The following D2HGDH variants were observed in gnomAD, a reference collection of about 807,000 sequenced individuals.
The protein encoded by D2HGDH is D-2-hydroxyglutarate dehydrogenase.
In D2HGDH, 31 loss-of-function variants were observed where a neutral mutation model predicts 46.9. The observed-to-expected ratio is 0.66, with a 90% CI of 0.50 to 0.89. D2HGDH has a LOEUF of 0.89. D2HGDH is among the 40% of genes least tolerant of loss of function. The pLI is 0.00. For synonymous variants in D2HGDH, 364 were observed against 332.6 expected, an observed-to-expected ratio of 1.09 and a Z score of -1.03; for missense variants, 698 against 720.8, an observed-to-expected ratio of 0.97 and a Z score of 0.36.
At chr2:241,750,587 G>A (rs1175934193) in intron 7 of D2HGDH, among the ~76,000 whole-genome samples, 2 of 152,218 alleles carry the variant, frequency 1.3e-5, no homozygotes, top group East Asian at 1.9e-4. Context: ...TTGGTGAGCT[G>A]GGAGACTTTC....
intron 3 of D2HGDH, among the ~76,000 whole-genome samples, chr2:241,741,677 C>T (rs1457961334): frequency 7.5e-6 from 1 of 133,656 alleles, no homozygotes; most frequent in Non-Finnish European, 1.6e-5. Context: ...GGCTTGCTGT[C>T]TCCAGGGTTT....
intron 8 of D2HGDH, among the ~76,000 whole-genome samples, chr2:241,752,032 G>A (rs1041476037): frequency 6.7e-6 from 1 of 149,978 alleles, no homozygotes; most frequent in Non-Finnish European, 1.5e-5. Flanking sequence ...ACCGGGACCT[G>A]GGTGGGAGGA....
chr2:241,745,301 G>A (rs977245034), intron 6 of D2HGDH, among the ~76,000 whole-genome samples: 2 of 152,192 alleles, frequency 1.3e-5, no homozygotes, highest in African/African-American at 4.8e-5. Flanking sequence ...CAGACTGGGG[G>A]TCTCAGCAGA....
rs1191442800 is a variant in D2HGDH at position 241,742,432 on chromosome 2, C to T, written c.351-3C>T. On this transcript the variant is annotated splice_region_variant and splice_polypyrimidine_tract_variant and intron_variant, in intron 3 of 9. Transcript: ENST00000321264. This position sits in a 1 kb window ranked among gnomAD's most constrained non-coding sequence, Gnocchi z 4.8. The stretch of plus-strand genomic sequence containing the variant: ...CCCAACGTCCCTCCTGTCCTCATCC[C>T]AGGCACTGCCACGAGAGGAACCTGG... The T allele has an allele frequency of 1.2e-6, 2 of 1,609,414 alleles. No homozygotes were observed. Among genetic ancestry groups the T allele is most frequent in the East Asian group, 2.2e-5 (1 of 44,696 alleles).
chr2:241,743,900 C>A lies in D2HGDH; in HGVS notation c.684+85C>A. 6.8e-7 allele frequency: 1 copy of A among 1,478,244 alleles called. No homozygotes were observed. The highest frequency in any genetic ancestry group is 9.2e-7 in the Non-Finnish European group (1 of 1,087,290). 91.6% of individuals were successfully genotyped at this position (1,478,244 alleles called of 1,614,324 possible). A position where few individuals can be genotyped will look rare whatever the true frequency, so the allele number is the denominator to read the frequency against. ...ATGGGCCCACGTGGTGGCACAGGTG[C>A]ATGGGGCCCCTCGGGGTGGGAGGTC... On this transcript the variant is annotated intron_variant, in intron 5 of 9. Coordinates refer to ENST00000321264, the MANE Select transcript of D2HGDH (RefSeq NM_152783.5). This position sits in a 1 kb window ranked among gnomAD's most constrained non-coding sequence, Gnocchi z 4.8.
chr2:241,740,149 G>A (rs1694047840), intron 2 of D2HGDH, among the ~76,000 whole-genome samples: 1 of 152,122 alleles, frequency 6.6e-6, no homozygotes, highest in Admixed American at 6.6e-5. Flanking sequence ...TGTTTCAAAA[G>A]AAATAAAAGG....
chr2:241,738,529 A>G (rs1330553547), intron 2 of D2HGDH, among the ~76,000 whole-genome samples: 2 of 152,238 alleles, frequency 1.3e-5, no homozygotes, highest in Admixed American at 6.5e-5. Context: ...CTCATGGGCA[A>G]GGGACCTCCC....
At position 241,737,798 on chromosome 2, in the gene D2HGDH, G is replaced by T. The variant is rs566146422; in HGVS notation, c.292+2282G>T. On this transcript the variant is annotated intron_variant, in intron 2 of 9. Transcript: ENST00000321264. ...TAAAATAGTAAAGCGAGGTAGAAGAGAATTGGTTGACTCTTAATTTACAAC... is the reference window on the plus strand; with the variant it reads ...TAAAATAGTAAAGCGAGGTAGAAGATAATTGGTTGACTCTTAATTTACAAC... 3.9e-5 allele frequency among the ~76,000 whole-genome samples: 6 copies of T among 152,320 alleles called. No homozygotes were observed. In the South Asian group the frequency reaches 8.3e-4, roughly 21 times the overall value.
intron 9 of D2HGDH, among the ~76,000 whole-genome samples, chr2:241,763,259 C>T (rs1178076156): frequency 6.6e-6 from 1 of 152,190 alleles, no homozygotes; most frequent in Non-Finnish European, 1.5e-5. Context: ...GATGGGACAG[C>T]CTCTTCCACA....
chr2:241,750,444 C>T lies in D2HGDH; in HGVS notation c.997+150C>T, dbSNP rs1394468115. On this transcript the variant is annotated intron_variant, in intron 7 of 9. Transcript: ENST00000321264. ...GGCGGAGCATGGAGTGGCCGTTGGG[C>T]TCATGTGTAAGAAAGCTGCTCTTAA... 4 of 971,024 alleles carry T rather than the reference C, an allele frequency of 4.1e-6. No homozygotes were observed. In the African/African-American group the frequency reaches 6.5e-5, roughly 16 times the overall value. 60.2% of individuals were successfully genotyped at this position (971,024 alleles called of 1,614,324 possible).
In D2HGDH at chr2:241,756,015, G is replaced by A; in HGVS notation, c.1306+1G>A. The A allele has an allele frequency of 1.3e-6, 2 of 1,595,308 alleles. No homozygotes were observed. Among genetic ancestry groups the A allele is most frequent in the Non-Finnish European group, 8.6e-7 (1 of 1,166,536 alleles). ...CACGTGGTGGGCTATGGCCACCTTG[G>A]TGAGCGGCGCCCCGGGGCCGCGGCC... On this transcript the variant is annotated splice_donor_variant, in intron 9 of 9. Coordinates refer to ENST00000321264, the MANE Select transcript of D2HGDH (RefSeq NM_152783.5). LOFTEE classifies it high-confidence loss of function.
chr2:241,761,141 C>G (rs1698774172), intron 9 of D2HGDH, among the ~76,000 whole-genome samples: 1 of 152,056 alleles, frequency 6.6e-6, no homozygotes, highest in Non-Finnish European at 1.5e-5. Flanking sequence ...ATAAAAATAA[C>G]AATACAACAA....
intron 2 of D2HGDH, among the ~76,000 whole-genome samples, chr2:241,737,200 G>A (rs1210174032): frequency 6.6e-6 from 1 of 151,894 alleles, no homozygotes; most frequent in African/African-American, 2.4e-5. Context: ...TCAATCTCCT[G>A]ACATCGTGAT....
At chr2:241,751,772 G>A (rs571586096) in intron 8 of D2HGDH, among the ~76,000 whole-genome samples, 28 of 152,288 alleles carry the variant, frequency 1.8e-4, no homozygotes, top group Admixed American at 1.7e-3. Context: ...GGCTTAGCCT[G>A]GACCTCGGGA....
At chr2:241,735,032 G>C in intron 1 of D2HGDH, 101 bp from the exon 2 acceptor site, 1 of 643,326 alleles carries the variant, frequency 1.6e-6, no homozygotes, top group Non-Finnish European at 2.4e-6. Context: ...GGTGCTCGGA[G>C]CCTTCCCTTC....
intron 2 of D2HGDH, among the ~76,000 whole-genome samples, chr2:241,736,891 C>G (rs189360095): frequency 1.3e-5 from 2 of 151,932 alleles, no homozygotes; most frequent in Admixed American, 6.6e-5. Flanking sequence ...GAACTCCTGA[C>G]TTCGGGTGAT....
chr2:241,760,521 G>A (rs1033069369), intron 9 of D2HGDH, among the ~76,000 whole-genome samples: 4 of 151,468 alleles, frequency 2.6e-5, no homozygotes, highest in Non-Finnish European at 5.9e-5. Context: ...CACAGCGTGG[G>A]TGGGCCTTAC....
chr2:241,735,493 T>C lies in D2HGDH; in HGVS notation c.269T>C (p.Val90Ala). ...TDPEALQAPN[V>A]DWLRTLRGCS... ...CCGGAAGCGCTGCAGGCTCCCAACG[T>C]GGACTGGTTGCGGACGCTGCGAGGT... The change falls in exon 2 of 10, where the codon GTG becomes GCG. Residue 90 changes from valine (V) to alanine (A), a missense_variant. Coordinates refer to ENST00000321264, the MANE Select transcript of D2HGDH (RefSeq NM_152783.5). 1 of 1,607,922 alleles carries C rather than the reference T, an allele frequency of 6.2e-7. No homozygotes were observed.
Position 241,750,137 on chromosome 2 carries a change from G to A in D2HGDH, c.854-14G>A. On this transcript the variant is annotated splice_polypyrimidine_tract_variant and intron_variant, in intron 6 of 9. Transcript: ENST00000321264. ...AGCTCCGTGTGGTGCTTGACATGCT[G>A]TGACCCGTTTCAGGCTGCCCAGGCT... 1.2e-6 allele frequency: 2 copies of A among 1,613,872 alleles called. No homozygotes were observed. The highest frequency in any genetic ancestry group is 1.7e-6 in the Non-Finnish European group (2 of 1,180,028).
Sources: gnomAD v4.1 joint callset for allele counts (sites outside exome capture counted in the v4.1 genomes callset) on GRCh38, gnomAD v4.1.1 for gene constraint, Gnocchi (gnomAD v3.1) non-coding constraint, MANE v1.5 for transcripts, NCBI Gene and HGNC (gene_info 2026-07-23, HGNC 2026-07-21) for gene names.